CFAP43: variants seen among roughly 807,000 people sequenced by gnomAD.
The protein encoded by CFAP43 is cilia- and flagella-associated protein 43.
A neutral mutation model predicts 218.9 loss-of-function variants in CFAP43; 155 were observed. The observed-to-expected ratio is 0.71, with a 90% CI of 0.62 to 0.81. The LOEUF (loss-of-function observed/expected upper bound fraction) is 0.81. Among genes scored for constraint, CFAP43 ranks in the 30% least tolerant of loss-of-function variants. The pLI is 0.00. For synonymous variants in CFAP43, 645 were observed against 681.3 expected (o/e 0.95, Z 0.83); for missense variants, 1,778 against 1,954.3 (o/e 0.91, Z 1.70).
In CFAP43 at chr10:104,160,778, C is replaced by G. The variant is rs1284659699; in HGVS notation, c.3540+259G>C. On this transcript the variant is annotated intron_variant, in intron 27 of 37. Transcript: ENST00000357060. Reference sequence around the variant, plus strand: ...GAACACCTGAAGAATGAATGAAGGGCCAAATGAATTGTAATGACACGGGAA... The same window carrying G: ...GAACACCTGAAGAATGAATGAAGGGGCAAATGAATTGTAATGACACGGGAA... 2.3e-4 allele frequency among the ~76,000 whole-genome samples: 35 copies of G among 152,092 alleles called. 1 individual carries two copies. Among genetic ancestry groups the G allele is most frequent in the Admixed American group, 2.3e-3 (35 of 15,260 alleles).
At position 104,164,135 on chromosome 10, in the gene CFAP43, A is replaced by G; in HGVS notation, c.3205T>C (p.Cys1069Arg). The change falls in exon 24 of 38, where the codon TGT becomes CGT. Residue 1069 changes from cysteine to arginine, a missense_variant. Physicochemically the swap from Cys to Arg is radical, Grantham distance 180. This residue lies in a region of CFAP43 where 1,553 missense variants were observed against 1,685.2 expected (regional missense o/e 0.92). Coordinates refer to ENST00000357060, the MANE Select transcript of CFAP43 (RefSeq NM_025145.7). ...EAVWQPEFED[C>R]EKPERTLVVQ... is the part of the protein sequence containing the mutation. ...ACAAGCGTTCTCTCTGGCTTCTCAC[A>G]GTCTTCAAATTCTGGTTGCCAGACT... is the stretch of plus-strand genomic sequence containing the variant. The G allele has an allele frequency of 3.1e-6, 5 of 1,614,194 alleles. No homozygotes were observed. Among genetic ancestry groups the G allele is most frequent in the Non-Finnish European group, 4.2e-6 (5 of 1,180,024 alleles).
Position 104,167,717 on chromosome 10 carries a change from C to T in CFAP43, c.2712G>A (p.Val904=), listed in dbSNP as rs745548759. 2 of 1,608,046 alleles carry T rather than the reference C, an allele frequency of 1.2e-6. No individual in the cohort carries two copies. Among genetic ancestry groups the T allele is most frequent in the African/African-American group, 2.7e-5 (2 of 74,596 alleles). ...RALKCFHIPC[V]VENFPMKART... is the part of the protein sequence containing the mutation. The stretch of plus-strand genomic sequence containing the variant: ...GCGCTTTCATCGGGAAGTTTTCAAC[C>T]ACACAGGGGATATGAAAACACTTGG... Residue 904 remains valine, a synonymous_variant, in exon 22 of 38, where the codon GTG becomes GTA. Transcript: ENST00000357060.
At chr10:104,150,203 T>C (rs2088183644) in intron 28 of CFAP43, among the ~76,000 whole-genome samples, 2 of 152,198 alleles carry the variant, frequency 1.3e-5, no homozygotes, top group Admixed American at 1.3e-4. Flanking sequence ...AATATTTAGA[T>C]TGTTTCCACC....
chr10:104,168,274 G>A (rs2089265072), intron 21 of CFAP43, among the ~76,000 whole-genome samples: 2 of 152,184 alleles, frequency 1.3e-5, no homozygotes, highest in African/African-American at 4.8e-5. Flanking sequence ...AAAGGATGCT[G>A]ATAATAGTTA....
At chr10:104,185,233 T>C in intron 15 of CFAP43, 87 bp from the exon 16 acceptor site, 1 of 1,522,600 alleles carries the variant, frequency 6.6e-7, no homozygotes, top group African/African-American at 1.4e-5. Context: ...CCCTTTTTTG[T>C]GGATAAATCA....
At chr10:104,151,043 C>A (rs1248124335) in intron 28 of CFAP43, among the ~76,000 whole-genome samples, 1 of 152,150 alleles carries the variant, frequency 6.6e-6, no homozygotes, top group Non-Finnish European at 1.5e-5. Flanking sequence ...TGGCCTCCAT[C>A]TCTACCCATG....
At chr10:104,228,154 T>A (rs77995759) in intron 2 of CFAP43, among the ~76,000 whole-genome samples, 1 of 152,102 alleles carries the variant, frequency 6.6e-6, no homozygotes. Context: ...TATTTTCTAC[T>A]ATTTTCAAGT....
chr10:104,205,271 CT>C (rs1404611497), intron 7 of CFAP43, among the ~76,000 whole-genome samples: 2 of 151,462 alleles, frequency 1.3e-5, no homozygotes, highest in Non-Finnish European at 2.9e-5. Flanking sequence ...GGTCTGACCC[CT>C]TTTATTACTT....
chr10:104,162,037 G>C lies in CFAP43; in HGVS notation c.3338C>G (p.Ala1113Gly), dbSNP rs199579277. 4.3e-6 allele frequency: 7 copies of C among 1,612,296 alleles called. No homozygotes were observed. The Admixed American group carries it at 1.2e-4, about 27-fold the overall frequency. ...CATCAGAGCTCGGAGTCTTGTACTG[G>C]CATCCTGGGAAAGAGCCAGAATCAG... is the stretch of plus-strand genomic sequence containing the variant. ...EKEHWLLIQD[A>G]STRLRALMDM... Residue 1113 changes from alanine (A) to glycine (G), a missense_variant, in exon 26 of 38, where the codon GCC becomes GGC. Ala to Gly is a moderately conservative substitution (Grantham distance 60, BLOSUM62 0). Coordinates refer to ENST00000357060, the MANE Select transcript of CFAP43 (RefSeq NM_025145.7).
chr10:104,163,272 T>C (rs2088973298), intron 24 of CFAP43, among the ~76,000 whole-genome samples: 1 of 152,214 alleles, frequency 6.6e-6, no homozygotes, highest in Non-Finnish European at 1.5e-5. Context: ...ACCTACCTTA[T>C]GATGACTTAC....
intron 3 of CFAP43, among the ~76,000 whole-genome samples, chr10:104,214,865 C>T (rs934330552): frequency 3.3e-5 from 5 of 152,236 alleles, no homozygotes; most frequent in East Asian, 1.9e-4. Context: ...GTGCCAGGCG[C>T]GGTGGCTCAC....
chr10:104,226,979 C>T (rs2091320478), intron 2 of CFAP43, among the ~76,000 whole-genome samples: 2 of 152,052 alleles, frequency 1.3e-5, no homozygotes, highest in Non-Finnish European at 2.9e-5. Flanking sequence ...GACTGCGCCA[C>T]TGCACTCCAG....
intron 2 of CFAP43, among the ~76,000 whole-genome samples, chr10:104,230,068 C>T (rs576509887): frequency 3.3e-5 from 5 of 152,078 alleles, no homozygotes; most frequent in Admixed American, 6.6e-5. Flanking sequence ...CAGGTAGCAC[C>T]AATGTTGCTG....
intron 31 of CFAP43, among the ~76,000 whole-genome samples, chr10:104,143,986 C>T (rs1367039125): frequency 6.6e-6 from 1 of 152,178 alleles, no homozygotes; most frequent in Non-Finnish European, 1.5e-5. Flanking sequence ...GTTGGGAGTA[C>T]AGTGGTGAGC....
chr10:104,165,687 T>G (rs1290260329), intron 23 of CFAP43, among the ~76,000 whole-genome samples: 1 of 141,070 alleles, frequency 7.1e-6, no homozygotes, highest in African/African-American at 3.2e-5. Flanking sequence ...TAAGACTGTT[T>G]GGTGGAAAGT....
chr10:104,145,640 T>C, intron 30 of CFAP43, 76 bp from the exon 31 acceptor site: 1 of 949,154 alleles, frequency 1.1e-6, no homozygotes, highest in South Asian at 1.7e-5. Context: ...CTCTTCAAAA[T>C]ACAGGTGGTA....
At chr10:104,183,430 C>T (rs1169065306) in intron 16 of CFAP43, among the ~76,000 whole-genome samples, 2 of 150,498 alleles carry the variant, frequency 1.3e-5, no homozygotes, top group African/African-American at 4.9e-5. Context: ...TCGCCCAGGC[C>T]GGACTGCGGA....
At chr10:104,224,342 C>T (rs895180963) in intron 3 of CFAP43, among the ~76,000 whole-genome samples, 3 of 151,750 alleles carry the variant, frequency 2.0e-5, no homozygotes, top group Non-Finnish European at 4.4e-5. Context: ...AGCGCCTGGC[C>T]GATGGATGTA....
At chr10:104,225,351 T>C (rs2091281539) in intron 3 of CFAP43, 110 bp downstream of exon 3, 2 of 914,800 alleles carry the variant, frequency 2.2e-6, no homozygotes, top group Admixed American at 3.3e-5. Context: ...TTTTTCCTTC[T>C]ATATTTCCTT....
Sources: gnomAD v4.1 joint callset for allele counts (sites outside exome capture counted in the v4.1 genomes callset) on GRCh38, gnomAD v4.1.1 for gene constraint, gnomAD v4.1.1 regional missense constraint, MANE v1.5 for transcripts, NCBI Gene and HGNC (gene_info 2026-07-23, HGNC 2026-07-21) for gene names.